Variants in MAPKAP1 observed in about 807,000 individuals in gnomAD.
The protein encoded by MAPKAP1 is target of rapamycin complex 2 subunit MAPKAP1.
MAPKAP1 carries 20 observed loss-of-function variants against 65.7 expected under a neutral mutation model. The ratio of observed to expected loss-of-function variants is 0.30; its 90% CI spans 0.21 to 0.44. The LOEUF is 0.44. Ranked by LOEUF, MAPKAP1 falls within the 20% of genes least tolerant of loss-of-function variation. The pLI, the probability that MAPKAP1 is intolerant of heterozygous loss-of-function variation, is 1.00. For missense variants in MAPKAP1, 423 were observed against 648.0 expected, an observed-to-expected ratio of 0.65 and a Z score of 3.77; for synonymous variants, 222 against 244.3, an observed-to-expected ratio of 0.91 and a Z score of 0.85.
chr9:125,484,307 T>C (rs1854417228), intron 9 of MAPKAP1, 136 bp downstream of exon 9: 3 of 893,868 alleles, frequency 3.4e-6, no homozygotes, highest in Non-Finnish European at 3.2e-6. Flanking sequence ...TCAAATTCCA[T>C]TGTTTAAACA....
chr9:125,506,282 C>G (rs1421632798), intron 8 of MAPKAP1, 28 bp downstream of exon 8: 3 of 1,576,682 alleles, frequency 1.9e-6, no homozygotes, highest in African/African-American at 1.3e-5. Flanking sequence ...ACGGACAAAG[C>G]GGGCATGGAG....
At chr9:125,562,801 G>A (rs139552544) in intron 5 of MAPKAP1, among the ~76,000 whole-genome samples, 488 of 152,210 alleles carry the variant, frequency 3.2e-3, no homozygotes, top group South Asian at 6.6e-3. Flanking sequence ...TTAGATAACT[G>A]AGCCTCAATA....
chr9:125,517,220 G>A lies in MAPKAP1; in HGVS notation c.959-10803C>T, dbSNP rs539736028. Among the ~76,000 whole-genome samples, 24 of 152,290 alleles carry A rather than the reference G, an allele frequency of 1.6e-4. 1 individual carries two copies. In the South Asian group the frequency reaches 4.3e-3, roughly 28 times the overall value. Reference sequence around the variant, plus strand: ...TGGGTTAAAAAAAAAGAATTGTAAGGTTTAGATGATTTATCAGTTCAGAAA... The same window carrying A: ...TGGGTTAAAAAAAAAGAATTGTAAGATTTAGATGATTTATCAGTTCAGAAA... On this transcript the variant is annotated intron_variant, in intron 7 of 11. Transcript: ENST00000265960.
intron 8 of MAPKAP1, among the ~76,000 whole-genome samples, chr9:125,499,510 T>C (rs1246521773): frequency 6.6e-6 from 1 of 152,194 alleles, no homozygotes; most frequent in Non-Finnish European, 1.5e-5. Flanking sequence ...TGATTTTGAC[T>C]CAGAGCGTCA....
chr9:125,650,397 G>C (rs631287), intron 4 of MAPKAP1: 1 of 151,900 alleles, frequency 6.6e-6, no homozygotes, highest in African/African-American at 2.4e-5. Context: ...TTTTCACCAC[G>C]ATCTACTTCA....
intron 8 of MAPKAP1, among the ~76,000 whole-genome samples, chr9:125,490,982 CA>C: frequency 6.6e-6 from 1 of 151,488 alleles, no homozygotes; most frequent in Non-Finnish European, 1.5e-5. Context: ...TATAAAAATA[CA>C]AAAAATTAGC....
intron 1 of MAPKAP1, among the ~76,000 whole-genome samples, chr9:125,693,675 GTATA>G (rs1835266750): frequency 9.0e-6 from 1 of 111,210 alleles, no homozygotes; most frequent in African/African-American, 3.3e-5. Flanking sequence ...ACATATACAC[GTATA>G]TATACACGTA....
rs774607950 is a variant in MAPKAP1, at chr9:125,468,005, A to G, written c.1312T>C (p.Cys438Arg). 5 of 1,614,254 alleles carry G rather than the reference A, an allele frequency of 3.1e-6. No homozygotes were observed. In the Admixed American group the frequency reaches 6.7e-5, roughly 22 times the overall value. Residue 438 changes from cysteine (C) to arginine (R), a missense_variant, in exon 10 of 12, where the codon TGT becomes CGT. Physicochemically the swap from Cys to Arg is radical, Grantham distance 180 (BLOSUM62 -3). This residue lies in a region of MAPKAP1 where 185 missense variants were observed against 268.1 expected (regional missense o/e 0.69). Transcript: ENST00000265960. ...TTCTCTTCAGCAAGGTCACAGGCAC[A>G]GAGCAGGTCGGAATCGATTGAGATG... ...KPISIDSDLL[C>R]ACDLAEEKSP...
At chr9:125,470,422 G>C (rs1853863159) in intron 9 of MAPKAP1, among the ~76,000 whole-genome samples, 1 of 152,132 alleles carries the variant, frequency 6.6e-6, no homozygotes, top group Non-Finnish European at 1.5e-5. Context: ...TCCAAGCCAA[G>C]GTCACTCCCC....
At chr9:125,513,087 T>C (rs1013464082) in intron 7 of MAPKAP1, 1 of 152,168 alleles carries the variant, frequency 6.6e-6, no homozygotes, top group African/African-American at 2.4e-5. Flanking sequence ...GAACTTAGTG[T>C]GGACATCTGA....
At chr9:125,507,603 C>T (rs1829179879) in intron 7 of MAPKAP1, among the ~76,000 whole-genome samples, 1 of 152,160 alleles carries the variant, frequency 6.6e-6, no homozygotes, top group Non-Finnish European at 1.5e-5. Flanking sequence ...ATTTCAGTTT[C>T]AGGGTATATT....
At chr9:125,653,086 TA>T (rs1833938276) in intron 4 of MAPKAP1, among the ~76,000 whole-genome samples, 1 of 152,220 alleles carries the variant, frequency 6.6e-6, no homozygotes, top group South Asian at 2.1e-4. Flanking sequence ...CACGTCCTGC[TA>T]AACACATCCT....
At position 125,595,507 on chromosome 9, in the gene MAPKAP1, T is replaced by A. The variant is rs1589323709; in HGVS notation, c.499-9780A>T. 5 of 1,096,334 alleles carry A rather than the reference T, an allele frequency of 4.6e-6. No individual in the cohort carries two copies. The highest frequency in any genetic ancestry group is 5.6e-6 in the Non-Finnish European group (5 of 895,616). 67.9% of individuals were successfully genotyped at this position (1,096,334 alleles called of 1,614,324 possible). On this transcript the variant is annotated intron_variant, in intron 4 of 11. Transcript: ENST00000265960. The surrounding 1 kb of genome is among the most constrained non-coding windows in gnomAD (Gnocchi z 4.0). ...TCATAAAATTAATTTCAAAATCATATACCTGATAGTTTCCAAAGTAGGAGA... is the reference window on the plus strand; with the variant it reads ...TCATAAAATTAATTTCAAAATCATAAACCTGATAGTTTCCAAAGTAGGAGA...
intron 5 of MAPKAP1, among the ~76,000 whole-genome samples, chr9:125,573,730 C>T (rs962493929): frequency 1.3e-5 from 2 of 152,192 alleles, no homozygotes. Flanking sequence ...CTGACCACAA[C>T]ATGCTTCCTC....
At chr9:125,459,103 C>G (rs1374959143) in intron 10 of MAPKAP1, among the ~76,000 whole-genome samples, 2 of 143,182 alleles carry the variant, frequency 1.4e-5, no homozygotes, top group Non-Finnish European at 3.1e-5. Flanking sequence ...TCAGAAGGGG[C>G]GGCCGGGCAG....
intron 9 of MAPKAP1, among the ~76,000 whole-genome samples, chr9:125,469,682 C>G (rs1853824918): frequency 6.6e-6 from 1 of 152,152 alleles, no homozygotes; most frequent in South Asian, 2.1e-4. Flanking sequence ...TGTCATTAGA[C>G]CTATTTCAGG....
intron 4 of MAPKAP1, among the ~76,000 whole-genome samples, chr9:125,611,645 C>T (rs1227845904): frequency 6.6e-6 from 1 of 152,134 alleles, no homozygotes; most frequent in Non-Finnish European, 1.5e-5. Context: ...AATGAAATTG[C>T]ATCTATACCA....
intron 5 of MAPKAP1, among the ~76,000 whole-genome samples, chr9:125,575,448 C>T (rs1188253271): frequency 6.6e-6 from 1 of 152,200 alleles, no homozygotes; most frequent in Non-Finnish European, 1.5e-5. Context: ...GGCTGAGGTC[C>T]TATCAAAATG....
At chr9:125,669,110 G>A (rs1834422735) in intron 3 of MAPKAP1, among the ~76,000 whole-genome samples, 1 of 151,500 alleles carries the variant, frequency 6.6e-6, no homozygotes, top group East Asian at 1.9e-4. Flanking sequence ...AACCAGGGAG[G>A]CGGAGGCTGC....
Sources: allele counts gnomAD v4.1 joint callset (sites outside exome capture counted in the v4.1 genomes callset), GRCh38; gene constraint gnomAD v4.1.1; regional missense constraint gnomAD v4.1.1; non-coding constraint Gnocchi (gnomAD v3.1); transcripts MANE v1.5; gene names NCBI Gene and HGNC (gene_info 2026-07-23, HGNC 2026-07-21).